The following ENPP3 variants were observed in gnomAD, a reference collection of about 807,000 sequenced individuals.
ENPP3 encodes the protein ectonucleotide pyrophosphatase/phosphodiesterase family member 3.
A neutral mutation model predicts 117.8 loss-of-function variants in ENPP3; 104 were observed. The observed-to-expected ratio is 0.88, with a 90% CI of 0.75 to 1.04. The LOEUF is 1.04. Ranked by LOEUF, ENPP3 falls within the 50% of genes least tolerant of loss-of-function variation. The probability of loss-of-function intolerance (pLI) is 0.00; values close to 1 mark genes in which losing one functional copy is unlikely to be tolerated. For missense variants in ENPP3, 1,026 were observed against 1,051.9 expected, an observed-to-expected ratio of 0.98 and a Z score of 0.34; for synonymous variants, 380 against 349.9, an observed-to-expected ratio of 1.09 and a Z score of -0.96.
At chr6:131,664,963 G>T (rs546794541) in intron 6 of ENPP3, among the ~76,000 whole-genome samples, 60 of 152,116 alleles carry the variant, frequency 3.9e-4, no homozygotes, top group African/African-American at 1.3e-3. Context: ...ATCATGAAAG[G>T]GTGTTGAATT....
At chr6:131,732,010 A>T (rs191180491) in intron 20 of ENPP3, among the ~76,000 whole-genome samples, 1 of 152,292 alleles carries the variant, frequency 6.6e-6, no homozygotes, top group East Asian at 1.9e-4. Context: ...ATACCTCAGC[A>T]TGGTGCTCTC....
Position 131,726,058 on chromosome 6 carries a change from T to C in ENPP3, c.1811T>C (p.Val604Ala), listed in dbSNP as rs753051874. 3.1e-6 allele frequency: 5 copies of C among 1,610,296 alleles called. No individual in the cohort carries two copies. The East Asian group carries it at 1.1e-4, about 36-fold the overall frequency. The change falls in exon 20 of 25, where the codon GTG becomes GCG. Residue 604 changes from valine to alanine, a missense_variant. Physicochemically the swap from Val to Ala is moderately conservative, Grantham distance 64. Transcript: ENST00000357639. ...ATTTTAATTTTAGTAACAGCAACAG[T>C]GAAAGTAAATTTGCCATTTGGGAGG... ...NLTQEEITAT[V>A]KVNLPFGRPR... is the part of the protein sequence containing the mutation.
chr6:131,654,100 A>C (rs1331839354), intron 5 of ENPP3, among the ~76,000 whole-genome samples: 1 of 145,660 alleles, frequency 6.9e-6, no homozygotes, highest in Non-Finnish European at 1.5e-5. Context: ...GCAGTTTTTA[A>C]ATTTAAGTTT....
intron 5 of ENPP3, among the ~76,000 whole-genome samples, chr6:131,655,660 A>G (rs1356457755): frequency 6.6e-6 from 1 of 152,228 alleles, no homozygotes; most frequent in African/African-American, 2.4e-5. Flanking sequence ...AGTCTTTGTA[A>G]AGAGTCTCAA....
At chr6:131,717,636 A>C (rs560958346) in intron 15 of ENPP3, among the ~76,000 whole-genome samples, 1 of 152,206 alleles carries the variant, frequency 6.6e-6, no homozygotes, top group Non-Finnish European at 1.5e-5. Flanking sequence ...AAATGTAGGC[A>C]AAAACTAATT....
At chr6:131,731,975 C>G (rs1266751945) in intron 20 of ENPP3, among the ~76,000 whole-genome samples, 1 of 152,156 alleles carries the variant, frequency 6.6e-6, no homozygotes, top group African/African-American at 2.4e-5. Context: ...CTGGACTTTT[C>G]TCATCTTCAG....
rs545088114 is a variant in ENPP3 at position 131,641,612 on chromosome 6, C to T, written c.154+82C>T. On this transcript the variant is annotated intron_variant, in intron 2 of 24. Coordinates refer to ENST00000357639, the MANE Select transcript of ENPP3 (RefSeq NM_005021.5). ...TAATTCATTAAAATGTATCTCCCATCCCAAGCCTCCTCTGTCCTCCATGCA... is the reference window on the plus strand; with the variant it reads ...TAATTCATTAAAATGTATCTCCCATTCCAAGCCTCCTCTGTCCTCCATGCA... The T allele has an allele frequency of 1.3e-3, 1,149 of 855,372 alleles. 4 individuals are homozygous for T. The highest frequency in any genetic ancestry group is 1.3e-3 in the Non-Finnish European group (669 of 505,936). The allele number at this position is 855,372 out of a possible 1,614,324, so 53.0% of individuals were successfully genotyped here.
At chr6:131,698,021 T>A (rs1779447411) in intron 15 of ENPP3, among the ~76,000 whole-genome samples, 1 of 152,196 alleles carries the variant, frequency 6.6e-6, no homozygotes, top group Non-Finnish European at 1.5e-5. Context: ...GCTTTTATCA[T>A]ATTCTGTCTG....
intron 5 of ENPP3, among the ~76,000 whole-genome samples, chr6:131,654,284 C>T (rs1164778397): frequency 2.6e-5 from 4 of 151,820 alleles, no homozygotes; most frequent in South Asian, 2.1e-4. Context: ...CAGGCATGGG[C>T]CACCACATGC....
Position 131,710,797 on chromosome 6 carries a change from C to T in ENPP3, c.1413-7875C>T, listed in dbSNP as rs1341056514. 2.5e-6 allele frequency: 4 copies of T among 1,613,542 alleles called. No individual in the cohort carries two copies. Among genetic ancestry groups the T allele is most frequent in the East Asian group, 2.2e-5 (1 of 44,884 alleles). ...AAGCGTTGCACCAAGTTTTTGCTCT[C>T]TTCCCACATAAAGCCGACTCCTAAC... On this transcript the variant is annotated intron_variant, in intron 15 of 24. Coordinates refer to ENST00000357639, the MANE Select transcript of ENPP3 (RefSeq NM_005021.5).
At chr6:131,653,312 CTT>C (rs57202650) in intron 5 of ENPP3, among the ~76,000 whole-genome samples, 18,210 of 133,562 alleles carry the variant, frequency 0.14, 1,277 homozygotes, top group East Asian at 0.32. Context: ...ATTTTTCTCT[CTT>C]TTTTTTTTTT....
In ENPP3 at chr6:131,674,941, T is replaced by C. The variant is rs551484702; in HGVS notation, c.763-139T>C. ...TTTGAGGCAGATTCTTAGATAATTATATCTTTTAATTACTACAAAGATTAA... is the reference window on the plus strand; with the variant it reads ...TTTGAGGCAGATTCTTAGATAATTACATCTTTTAATTACTACAAAGATTAA... On this transcript the variant is annotated intron_variant, in intron 8 of 24. Coordinates refer to ENST00000357639, the MANE Select transcript of ENPP3 (RefSeq NM_005021.5). The C allele has an allele frequency of 3.8e-5, 22 of 575,564 alleles. No homozygotes were observed. In the South Asian group the frequency reaches 5.0e-4, roughly 13 times the overall value. 35.7% of individuals were successfully genotyped at this position (575,564 alleles called of 1,614,324 possible).
intron 1 of ENPP3, 39 bp from the exon 2 acceptor site, chr6:131,641,416 T>A (rs773201348): frequency 5.7e-5 from 79 of 1,386,996 alleles, no homozygotes; most frequent in Middle Eastern, 1.8e-4. Flanking sequence ...TGTAATTTTT[T>A]AAAAAATTAT....
Position 131,669,627 on chromosome 6 carries a change from G to T in ENPP3, c.563-1621G>T, listed in dbSNP as rs534839902. Among the ~76,000 whole-genome samples the T allele has an allele frequency of 2.4e-5, 3 of 125,334 alleles. No individual in the cohort carries two copies. The South Asian group carries it at 7.7e-4, about 32-fold the overall frequency. 82.2% of individuals were successfully genotyped at this position (125,334 alleles called of 152,430 possible). A position where few individuals can be genotyped will look rare whatever the true frequency, so the allele number is the denominator to read the frequency against. ...GCCGAGATCACGCCACTGCACTCTAGCCTGGGTGACAGAGCGAGACTCCAT... is the reference window on the plus strand; with the variant it reads ...GCCGAGATCACGCCACTGCACTCTATCCTGGGTGACAGAGCGAGACTCCAT... On this transcript the variant is annotated intron_variant, in intron 6 of 24. Transcript: ENST00000357639.
At chr6:131,723,841 A>G (rs1485851006) in intron 18 of ENPP3, among the ~76,000 whole-genome samples, 199 bp from the exon 19 acceptor site, 1 of 151,700 alleles carries the variant, frequency 6.6e-6, no homozygotes, top group African/African-American at 2.4e-5. Context: ...ACACACACAC[A>G]CACACACACA....
rs1208072997 is a variant in ENPP3 at position 131,679,088 on chromosome 6, T to TCC, written c.1011+1148_1011+1149insCC. ...TTCTTTCTTTCTTTCTTTCTTTCTT[T>TCC]TCTTCTTTCTTTCTTTCCTTTTTTG... On this transcript the variant is annotated intron_variant, in intron 11 of 24. Coordinates refer to ENST00000357639, the MANE Select transcript of ENPP3 (RefSeq NM_005021.5). 1.3e-3 allele frequency among the ~76,000 whole-genome samples: 148 copies of TCC among 117,292 alleles called. 4 individuals are homozygous for TCC. Among genetic ancestry groups the TCC allele is most frequent in the African/African-American group, 4.6e-3 (119 of 26,100 alleles). 76.9% of individuals were successfully genotyped at this position (117,292 alleles called of 152,430 possible).
At chr6:131,659,831 A>C (rs371294301) in intron 6 of ENPP3, among the ~76,000 whole-genome samples, 4 of 152,196 alleles carry the variant, frequency 2.6e-5, no homozygotes, top group Admixed American at 2.6e-4. Flanking sequence ...ATTTGTCTTG[A>C]TAAACTGGAT....
intron 5 of ENPP3, among the ~76,000 whole-genome samples, chr6:131,654,793 A>G (rs1344661144): frequency 6.6e-6 from 1 of 152,198 alleles, no homozygotes; most frequent in Middle Eastern, 3.2e-3. Flanking sequence ...ATGAGTATAA[A>G]TAATGTGCCT....
chr6:131,718,724 T>C lies in ENPP3; in HGVS notation c.1465T>C (p.Phe489Leu). The change falls in exon 16 of 25, where the codon TTT becomes CTT. Residue 489 changes from phenylalanine to leucine, a missense_variant. By Grantham distance (22) the Phe-to-Leu change is conservative. Coordinates refer to ENST00000357639, the MANE Select transcript of ENPP3 (RefSeq NM_005021.5). ...GGGNHGYNNE[F>L]RSMEAIFLAH... is the part of the protein sequence containing the mutation. ...AGGCAACCATGGTTATAACAATGAG[T>C]TTAGGAGCATGGAGGTAACTTACTG... 3 of 1,600,994 alleles carry C rather than the reference T, an allele frequency of 1.9e-6. No homozygotes were observed. The highest frequency in any genetic ancestry group is 2.6e-6 in the Non-Finnish European group (3 of 1,172,214).
Sources: allele counts gnomAD v4.1 joint callset (sites outside exome capture counted in the v4.1 genomes callset), GRCh38; gene constraint gnomAD v4.1.1; transcripts MANE v1.5; gene names NCBI Gene and HGNC (gene_info 2026-07-23, HGNC 2026-07-21).